DMD: variants seen among roughly 807,000 people sequenced by gnomAD.
The protein encoded by DMD is mutant dystrophin.
Under a neutral mutation model 330.1 loss-of-function variants are expected in DMD, and 63 were observed. The observed-to-expected ratio is 0.19, with a 90% CI of 0.16 to 0.24. The LOEUF (loss-of-function observed/expected upper bound fraction) is 0.24, where lower values mean the gene tolerates loss of function less well. Ranked by LOEUF, DMD falls within the 10% of genes least tolerant of loss-of-function variation. DMD has a pLI of 1.00. For synonymous variants in DMD, 1,223 were observed against 959.8 expected (o/e 1.27, Z -5.07); for missense variants, 3,344 against 2,684.1 (o/e 1.25, Z -5.43).
rs863224992 is a variant in DMD at position 32,468,669 on chromosome X, G to A, written c.2991C>T (p.Tyr997=). ...TCTCTTTCACAGTGGTGCTGAGATA[G>A]TATAGGCCACTTTGTTGCTCTTGCA... ...SSLQEQQSGL[Y]YLSTTVKEMS... Residue 997 remains tyrosine, a synonymous_variant, in exon 23 of 79, where the codon TAC becomes TAT. Coordinates refer to ENST00000357033, the MANE Select transcript of DMD (RefSeq NM_004006.3). 1.7e-6 allele frequency: 2 copies of A among 1,211,291 alleles called. No individual in the cohort carries two copies. Among genetic ancestry groups the A allele is most frequent in the Non-Finnish European group, 2.2e-6 (2 of 895,263 alleles).
intron 1 of DMD, among the ~76,000 whole-genome samples, chrX:33,283,579 T>A (rs1427939204): frequency 9.1e-6 from 1 of 110,090 alleles, no homozygotes; most frequent in African/African-American, 3.3e-5. Context: ...AGAATGACTG[T>A]ACTAGGTATG....
intron 47 of DMD, among the ~76,000 whole-genome samples, chrX:31,880,411 G>A (rs2168860): frequency 1.8e-5 from 2 of 111,118 alleles, no homozygotes; most frequent in Non-Finnish European, 3.8e-5. Context: ...ATCTTTTAAT[G>A]AGTAAAAAAA....
intron 1 of DMD, among the ~76,000 whole-genome samples, chrX:33,269,240 C>T (rs1366691073): frequency 7.2e-5 from 8 of 111,229 alleles, no homozygotes; most frequent in Non-Finnish European, 3.8e-5. Flanking sequence ...ATACACACCA[C>T]GGAATCCTAT....
At chrX:31,721,229 G>A (rs2085447707) in intron 52 of DMD, among the ~76,000 whole-genome samples, 1 of 111,575 alleles carries the variant, frequency 9.0e-6, no homozygotes, top group Admixed American at 9.6e-5. Context: ...GATGGCTGAT[G>A]ATGGTAAATT....
intron 47 of DMD, among the ~76,000 whole-genome samples, chrX:31,883,633 A>G (rs2094108547): frequency 1.8e-5 from 2 of 111,733 alleles, no homozygotes; most frequent in Admixed American, 1.9e-4. Context: ...ACTCTGGCGA[A>G]AAAGTGAAAC....
At chrX:31,328,557 G>A (rs2056922595) in intron 61 of DMD, among the ~76,000 whole-genome samples, 1 of 111,000 alleles carries the variant, frequency 9.0e-6, no homozygotes, top group Non-Finnish European at 1.9e-5. Context: ...TTGAGAGGGA[G>A]CTGGATATAG....
At chrX:31,888,514 C>A (rs1303789590) in intron 47 of DMD, among the ~76,000 whole-genome samples, 1 of 111,807 alleles carries the variant, frequency 8.9e-6, no homozygotes, top group East Asian at 2.8e-4. Context: ...TTCATGTAAA[C>A]CATTATCTTC....
At chrX:32,776,284 C>CA (rs759897199) in intron 7 of DMD, among the ~76,000 whole-genome samples, 4,202 of 86,018 alleles carry the variant, frequency 0.049, 97 homozygotes, top group Non-Finnish European at 0.07. Flanking sequence ...TTCTTCTGAC[C>CA]CCCCCCCCAA....
chrX:31,472,665 C>T (rs147440412), intron 59 of DMD, among the ~76,000 whole-genome samples: 221 of 112,175 alleles, frequency 2.0e-3, no homozygotes, highest in African/African-American at 6.7e-3. Flanking sequence ...GTGGATTTGC[C>T]AGTTTTCTTC....
chrX:32,775,412 G>C (rs1603402116), intron 7 of DMD, among the ~76,000 whole-genome samples: 2 of 112,609 alleles, frequency 1.8e-5, no homozygotes, highest in East Asian at 5.6e-4. Flanking sequence ...TGAGGACTCC[G>C]CCCCTGCAGC....
intron 4 of DMD, among the ~76,000 whole-genome samples, chrX:32,839,546 A>C (rs907791510): frequency 2.7e-5 from 3 of 111,824 alleles, no homozygotes; most frequent in Non-Finnish European, 5.6e-5. Flanking sequence ...GACTTCTTCA[A>C]TGTGATTATT....
chrX:32,814,802 T>C (rs2077601891), intron 6 of DMD, among the ~76,000 whole-genome samples: 1 of 111,438 alleles, frequency 9.0e-6, no homozygotes, highest in Non-Finnish European at 1.9e-5. Context: ...AGTGGGAACA[T>C]GCTTGCAGGA....
In DMD at chrX:33,135,624, G is replaced by A. The variant is rs188580013; in HGVS notation, c.31+75658C>T. On this transcript the variant is annotated intron_variant, in intron 1 of 78. Coordinates refer to ENST00000357033, the MANE Select transcript of DMD (RefSeq NM_004006.3). ...TATGTGTATGCTAAAATACTAAAAT[G>A]TATTATTCTTAGTGGTTAAAAACCT... Among the ~76,000 whole-genome samples the A allele has an allele frequency of 3.6e-5, 4 of 111,904 alleles. No homozygotes were observed. The Admixed American group carries it at 3.8e-4, about 11-fold the overall frequency.
intron 16 of DMD, among the ~76,000 whole-genome samples, chrX:32,561,244 A>G (rs1346173792): frequency 9.0e-6 from 1 of 111,607 alleles, no homozygotes; most frequent in Non-Finnish European, 1.9e-5. Flanking sequence ...CAATGCAAAC[A>G]AGCTAACAAC....
intron 2 of DMD, among the ~76,000 whole-genome samples, chrX:32,995,202 A>G (rs780510567): frequency 1.8e-5 from 2 of 112,922 alleles, no homozygotes; most frequent in South Asian, 3.6e-4. Flanking sequence ...AGCCATCTGT[A>G]TGACATCTCT....
intron 1 of DMD, among the ~76,000 whole-genome samples, chrX:33,272,459 C>T (rs181031634): frequency 6.3e-5 from 7 of 111,206 alleles, no homozygotes; most frequent in Non-Finnish European, 9.4e-5. Context: ...ACAAAAAGGA[C>T]GAAAGAAGAA....
chrX:32,844,634 C>G (rs1182619641), intron 4 of DMD, 149 bp downstream of exon 4: 1 of 515,232 alleles, frequency 1.9e-6, no homozygotes, highest in Non-Finnish European at 3.4e-6. Context: ...ATCAGGCATA[C>G]ACGAATTACA....
intron 44 of DMD, among the ~76,000 whole-genome samples, chrX:32,071,984 GAATT>G (rs1284679272): frequency 2.7e-5 from 3 of 111,928 alleles, no homozygotes; most frequent in African/African-American, 6.5e-5. Context: ...GCATTTATCA[GAATT>G]ATTTAAATTT....
In DMD at chrX:31,482,520, A is replaced by G. The variant is rs142453209; in HGVS notation, c.8548-3417T>C. Among the ~76,000 whole-genome samples the G allele has an allele frequency of 2.6e-3, 288 of 110,457 alleles. 3 individuals are homozygous for G. Among genetic ancestry groups the G allele is most frequent in the African/African-American group, 8.5e-3 (257 of 30,330 alleles). On this transcript the variant is annotated intron_variant, in intron 57 of 78. Transcript: ENST00000357033. ...TAGAAATTTCAAGGAGAGAGTGAGA[A>G]TTTTGAGAGGAAGAGGGTGACCAAG...
Sources: gnomAD v4.1 joint callset for allele counts (sites outside exome capture counted in the v4.1 genomes callset) on GRCh38, gnomAD v4.1.1 for gene constraint, MANE v1.5 for transcripts, NCBI Gene and HGNC (gene_info 2026-07-23, HGNC 2026-07-21) for gene names.